The following TNS3 variants were observed in gnomAD, a reference collection of about 807,000 sequenced individuals.
The protein encoded by TNS3 is tensin 3.
Under a neutral mutation model 140.9 loss-of-function variants are expected in TNS3, and 45 were observed. The observed-to-expected ratio is 0.32, with a 90% confidence interval of 0.25 to 0.41. TNS3 has a LOEUF of 0.41. Ranked by LOEUF, TNS3 falls within the 10% of genes least tolerant of loss-of-function variation. The probability of loss-of-function intolerance (pLI) is 1.00; values close to 1 mark genes in which losing one functional copy is unlikely to be tolerated. For synonymous variants in TNS3, 815 were observed against 788.4 expected (o/e 1.03, Z -0.56); for missense variants, 1,716 against 1,906.7 (o/e 0.90, Z 1.86).
intron 2 of TNS3, among the ~76,000 whole-genome samples, chr7:47,515,801 A>G (rs553222731): frequency 6.6e-6 from 1 of 152,310 alleles, no homozygotes; most frequent in East Asian, 1.9e-4. Context: ...CATCACTAAC[A>G]ATATCATTAT....
At chr7:47,393,525 G>A (rs773763723) in intron 16 of TNS3, among the ~76,000 whole-genome samples, 5 of 152,066 alleles carry the variant, frequency 3.3e-5, no homozygotes, top group African/African-American at 7.2e-5. Context: ...CTAAGCATCC[G>A]GATACCAGTC....
intron 10 of TNS3, among the ~76,000 whole-genome samples, chr7:47,423,256 A>C (rs1175174684): frequency 1.3e-5 from 2 of 152,310 alleles, no homozygotes; most frequent in African/African-American, 4.8e-5. Context: ...TTCTCCTACA[A>C]ATTCCCTGCT....
chr7:47,519,750 C>T (rs1003577199), intron 2 of TNS3, among the ~76,000 whole-genome samples: 14 of 150,802 alleles, frequency 9.3e-5, no homozygotes, highest in South Asian at 8.4e-4. Flanking sequence ...GGTTAGGGGC[C>T]GTCTGGCTGA....
intron 3 of TNS3, among the ~76,000 whole-genome samples, chr7:47,488,800 G>A (rs1797704939): frequency 6.6e-6 from 1 of 150,432 alleles, no homozygotes; most frequent in Non-Finnish European, 1.5e-5. Flanking sequence ...CCCCAGGTGA[G>A]GCCGGGGGCT....
intron 20 of TNS3, among the ~76,000 whole-genome samples, chr7:47,329,409 T>C (rs1788206849): frequency 6.6e-6 from 1 of 152,180 alleles, no homozygotes. Context: ...CTGCCCAGCC[T>C]GAGCCGAGCC....
chr7:47,363,683 T>C (rs1336703940), intron 17 of TNS3, among the ~76,000 whole-genome samples: 3 of 152,172 alleles, frequency 2.0e-5, no homozygotes, highest in South Asian at 2.1e-4. Flanking sequence ...CATGTAGACA[T>C]AGTGCTCTCA....
chr7:47,472,791 GC>G (rs1229825797), intron 4 of TNS3, among the ~76,000 whole-genome samples: 1 of 152,202 alleles, frequency 6.6e-6, no homozygotes, highest in African/African-American at 2.4e-5. Flanking sequence ...CAGAGAACCA[GC>G]CTGCACTACA....
At chr7:47,426,885 G>A (rs1794682557) in intron 9 of TNS3, among the ~76,000 whole-genome samples, 1 of 152,082 alleles carries the variant, frequency 6.6e-6, no homozygotes, top group Non-Finnish European at 1.5e-5. Flanking sequence ...CAGCACTTTG[G>A]CAGGCCGAGG....
At chr7:47,344,680 T>C (rs1025589191) in intron 20 of TNS3, 75 bp downstream of exon 20, 2 of 1,332,404 alleles carry the variant, frequency 1.5e-6, no homozygotes, top group Non-Finnish European at 2.1e-6. Context: ...TACGAGTTCT[T>C]CTCTGTAAAA....
intron 1 of TNS3, among the ~76,000 whole-genome samples, chr7:47,532,163 T>C (rs115642961): frequency 0.015 from 2,330 of 152,044 alleles, 47 homozygotes; most frequent in African/African-American, 0.053. Context: ...CAGAGCGGGA[T>C]TGGGGACAAG....
At chr7:47,374,618 T>A (rs140391448) in intron 16 of TNS3, among the ~76,000 whole-genome samples, 64 of 152,300 alleles carry the variant, frequency 4.2e-4, no homozygotes, top group Admixed American at 1.0e-3. Context: ...GCAGGGTCAC[T>A]GCATGGCTGA....
At chr7:47,340,576 C>CT (rs1554297310) in intron 20 of TNS3, among the ~76,000 whole-genome samples, 5 of 130,174 alleles carry the variant, frequency 3.8e-5, no homozygotes, top group Non-Finnish European at 8.0e-5. Context: ...CTGGGATTTT[C>CT]TTTTTTTTCT....
chr7:47,307,258 ACT>A (rs1411708776), intron 20 of TNS3, among the ~76,000 whole-genome samples: 6 of 152,052 alleles, frequency 3.9e-5, no homozygotes, highest in African/African-American at 7.2e-5. Flanking sequence ...ATTCATATAA[ACT>A]CTTTTTTTCC....
chr7:47,417,248 T>C (rs834609), intron 10 of TNS3, among the ~76,000 whole-genome samples: 62,199 of 152,146 alleles, frequency 0.41, 12,874 homozygotes, highest in Non-Finnish European at 0.42. Context: ...CGGGAAACCA[T>C]GGCCTCTCCC....
At chr7:47,367,434 C>A (rs1266511764) in intron 17 of TNS3, among the ~76,000 whole-genome samples, 1 of 152,208 alleles carries the variant, frequency 6.6e-6, no homozygotes, top group African/African-American at 2.4e-5. Context: ...TACATCGATG[C>A]AGCTTGAAGA....
At chr7:47,578,979 C>A (rs1471864871) in intron 1 of TNS3, among the ~76,000 whole-genome samples, 1 of 136,984 alleles carries the variant, frequency 7.3e-6, no homozygotes. Context: ...GTTTTAGGAG[C>A]AGTGAGGCAG....
intron 16 of TNS3, among the ~76,000 whole-genome samples, chr7:47,381,227 C>A (rs1436733835): frequency 2.0e-5 from 3 of 152,234 alleles, no homozygotes; most frequent in Non-Finnish European, 1.5e-5. Context: ...TTCAAAGTAA[C>A]CAGGCGGAAA....
intron 1 of TNS3, among the ~76,000 whole-genome samples, chr7:47,573,378 C>G (rs1171901976): frequency 6.6e-6 from 1 of 152,174 alleles, no homozygotes; most frequent in Non-Finnish European, 1.5e-5. Flanking sequence ...CTGCCTCCCA[C>G]CAGCCCGCTA....
intron 2 of TNS3, among the ~76,000 whole-genome samples, chr7:47,516,047 T>C (rs1475053940): frequency 6.6e-6 from 1 of 152,252 alleles, no homozygotes; most frequent in Non-Finnish European, 1.5e-5. Context: ...CTGTGATGCA[T>C]GATGACTTAC....
Sources: allele counts gnomAD v4.1 joint callset (sites outside exome capture counted in the v4.1 genomes callset), GRCh38; gene constraint gnomAD v4.1.1; transcripts MANE v1.5; gene names NCBI Gene and HGNC (gene_info 2026-07-23, HGNC 2026-07-21).